CENPS: variants seen among roughly 807,000 people sequenced by gnomAD.
The protein encoded by CENPS is centromere protein S.
Under a neutral mutation model 17.9 loss-of-function variants are expected in CENPS, and 16 were observed. That is an observed-to-expected ratio of 0.90 (90% CI 0.61 to 1.36). The LOEUF is 1.36. CENPS is among the 40% of genes most tolerant of loss of function. The probability of loss-of-function intolerance (pLI) is 0.00; values close to 1 mark genes in which losing one functional copy is unlikely to be tolerated. For synonymous variants in CENPS, 49 were observed against 55.8 expected (o/e 0.88, Z 0.54); for missense variants, 160 against 158.6 (o/e 1.01, Z -0.05).
At chr1:10,436,086 T>A (rs1640145291) in intron 3 of CENPS, among the ~76,000 whole-genome samples, 1 of 151,792 alleles carries the variant, frequency 6.6e-6, no homozygotes, top group Non-Finnish European at 1.5e-5. Context: ...CAAGTGATTC[T>A]CCTGCCTCAG....
chr1:10,436,687 CA>C (rs1415430339), intron 3 of CENPS, among the ~76,000 whole-genome samples: 1 of 135,444 alleles, frequency 7.4e-6, no homozygotes, highest in African/African-American at 2.8e-5. Flanking sequence ...GCCTGGGTGA[CA>C]GAGTGAGACT....
intron 1 of CENPS, 73 bp downstream of exon 1, chr1:10,430,641 A>AGCCCCCGGCGGCTTCTCATCGGCACCCC: frequency 6.7e-7 from 1 of 1,484,600 alleles, no homozygotes; most frequent in South Asian, 1.3e-5. Flanking sequence ...AGTACCCGGC[A>AGCCCCCGGCGGCTTCTCATCGGCACCCC]GCCCCCGGCG....
intron 2 of CENPS, 42 bp downstream of exon 2, chr1:10,434,007 A>G (rs1194564239): frequency 1.2e-6 from 2 of 1,612,128 alleles, no homozygotes; most frequent in East Asian, 2.2e-5. Context: ...GTAAACCCCA[A>G]AGGTTGATTT....
In CENPS at chr1:10,437,068, A is replaced by C. The variant is rs1640197185; in HGVS notation, c.209+2378A>C. Among the ~76,000 whole-genome samples, 10 of 152,214 alleles carry C rather than the reference A, an allele frequency of 6.6e-5. No homozygotes were observed. The South Asian group carries it at 2.1e-3, about 31-fold the overall frequency. ...AAAGATGGACTGTTTCAAGTCAACT[A>C]TATGTTACATAGTCTCTGTAGGCTG... On this transcript the variant is annotated intron_variant, in intron 3 of 4. Coordinates refer to ENST00000309048, the MANE Select transcript of CENPS (RefSeq NM_199294.3).
chr1:10,431,291 T>C, intron 1 of CENPS: 1 of 1,535,210 alleles, frequency 6.5e-7, no homozygotes, highest in Non-Finnish European at 8.7e-7. Context: ...AACGCGGGAA[T>C]GAGCTCCAGA....
At chr1:10,437,013 C>T (rs1209739012) in intron 3 of CENPS, among the ~76,000 whole-genome samples, 1 of 152,210 alleles carries the variant, frequency 6.6e-6, no homozygotes, top group Non-Finnish European at 1.5e-5. Flanking sequence ...CACTTCTCTA[C>T]TCCCAAGACT....
At chr1:10,431,198 G>A (rs974545701) in intron 1 of CENPS, 3 of 1,501,692 alleles carry the variant, frequency 2.0e-6, no homozygotes, top group African/African-American at 2.8e-5. Flanking sequence ...GGGCATATGG[G>A]GCGTCAGAGG....
chr1:10,438,554 CTT>C (rs932075290), intron 3 of CENPS, among the ~76,000 whole-genome samples: 1 of 152,146 alleles, frequency 6.6e-6, no homozygotes, highest in African/African-American at 2.4e-5. Flanking sequence ...ATTCTGGAAA[CTT>C]TTGGGAATCG....
chr1:10,430,826 G>A (rs1639875397), intron 1 of CENPS: 1 of 1,342,262 alleles, frequency 7.5e-7, no homozygotes, highest in South Asian at 1.9e-5. Flanking sequence ...GTCCGGCGGC[G>A]AGAGGCCACC....
At chr1:10,437,181 A>T (rs1640202734) in intron 3 of CENPS, among the ~76,000 whole-genome samples, 1 of 152,072 alleles carries the variant, frequency 6.6e-6, no homozygotes, top group Non-Finnish European at 1.5e-5. Context: ...TTCTTGAGAC[A>T]GGATCTCTCT....
At chr1:10,441,722 T>G (rs533348107) in intron 4 of CENPS, among the ~76,000 whole-genome samples, 16 of 145,884 alleles carry the variant, frequency 1.1e-4, no homozygotes, top group African/African-American at 4.0e-4. Context: ...GCCTCCTGGG[T>G]TCATGCCATT....
intron 4 of CENPS, 65 bp downstream of exon 4, chr1:10,440,478 C>T (rs1457956166): frequency 4.4e-6 from 7 of 1,591,132 alleles, no homozygotes; most frequent in Middle Eastern, 1.7e-4. Flanking sequence ...CAATCAATCA[C>T]TTGAAGCCAT....
chr1:10,430,434 C>T lies in CENPS; in HGVS notation c.-84C>T. 6.6e-7 allele frequency: 1 copy of T among 1,514,326 alleles called. No homozygotes were observed. Among genetic ancestry groups the T allele is most frequent in the Non-Finnish European group, 8.8e-7 (1 of 1,131,600 alleles). 93.8% of individuals were successfully genotyped at this position (1,514,326 alleles called of 1,614,324 possible). On this transcript the variant is annotated 5_prime_UTR_variant, in exon 1 of 5. Transcript: ENST00000309048. ...GTCCGCCCGCGCGGCCCGTCGCTCG[C>T]GCCGCGGCGGGAAAATCCGACCTGG...
At position 10,431,631 on chromosome 1, in the gene CENPS, A is replaced by G. The variant is rs562462216; in HGVS notation, c.51+1063A>G. On this transcript the variant is annotated intron_variant, in intron 1 of 4. Coordinates refer to ENST00000309048, the MANE Select transcript of CENPS (RefSeq NM_199294.3). ...AGCACTTTGGGAGGCCGAGGTGGGC[A>G]GATCACTTGAGGTCAGGAGTTCGAG... Among the ~76,000 whole-genome samples, 45 of 152,264 alleles carry G rather than the reference A, an allele frequency of 3.0e-4. 2 individuals are homozygous for G. In the South Asian group the frequency reaches 8.7e-3, roughly 29 times the overall value.
chr1:10,438,203 G>C (rs1053714457), intron 3 of CENPS, among the ~76,000 whole-genome samples: 1 of 151,910 alleles, frequency 6.6e-6, no homozygotes, highest in South Asian at 2.1e-4. Context: ...GGAGTGCAGT[G>C]GTGTGATCTC....
intron 1 of CENPS, among the ~76,000 whole-genome samples, chr1:10,432,001 G>C (rs1639942473): frequency 6.6e-6 from 1 of 151,856 alleles, no homozygotes; most frequent in African/African-American, 2.4e-5. Context: ...TCTTTTAACT[G>C]TCTTTTTTCC....
intron 3 of CENPS, among the ~76,000 whole-genome samples, chr1:10,436,018 C>T (rs2124267258): frequency 6.6e-6 from 1 of 151,412 alleles, no homozygotes; most frequent in East Asian, 2.0e-4. Context: ...CTCACTCTCG[C>T]CCAGGCGGGA....
At position 10,442,355 on chromosome 1, in the gene CENPS, A is replaced by C; in HGVS notation, c.367A>C (p.Lys123Gln). ...GAAAAAGAAGTCAGAGGATGGAAGC[A>C]AAAATTCAAGGCAGCCAGCAGAGGC... ...QKKKKSEDGSKNSRQPAEAGV... is the reference protein window; with the variant it reads ...QKKKKSEDGSQNSRQPAEAGV... The change falls in exon 5 of 5, where the codon AAA (lysine) becomes CAA (glutamine). Residue 123 changes from lysine to glutamine, a missense_variant. Physicochemically the swap from Lys to Gln is moderately conservative, Grantham distance 53. Coordinates refer to ENST00000309048, the MANE Select transcript of CENPS (RefSeq NM_199294.3). 1 of 1,607,264 alleles carries C rather than the reference A, an allele frequency of 6.2e-7. No individual in the cohort carries two copies. Among genetic ancestry groups the C allele is most frequent in the Non-Finnish European group, 8.5e-7 (1 of 1,178,418 alleles).
In CENPS at chr1:10,430,548, C is replaced by T; in HGVS notation, c.31C>T (p.Gln11Ter). The T allele has an allele frequency of 6.5e-7, 1 of 1,534,994 alleles. No individual in the cohort carries two copies. Among genetic ancestry groups the T allele is most frequent in the East Asian group, 2.6e-5 (1 of 38,654 alleles). ...GGAGGAGGCGGAGACCGAGGAGCAG[C>T]AGCGATTCTCTTACCAACAGGTACA... MEEEAETEEQ[Q>*]RFSYQQRLKA... Residue 11 changes from glutamine to a stop codon, truncating the protein, a stop_gained, in exon 1 of 5, where the codon CAG (glutamine) becomes TAG (stop). Coordinates refer to ENST00000309048, the MANE Select transcript of CENPS (RefSeq NM_199294.3). LOFTEE classifies it high-confidence loss of function.
Sources: gnomAD v4.1 joint callset for allele counts (sites outside exome capture counted in the v4.1 genomes callset) on GRCh38, gnomAD v4.1.1 for gene constraint, MANE v1.5 for transcripts, NCBI Gene and HGNC (gene_info 2026-07-23, HGNC 2026-07-21) for gene names.